The following TMEM179 variants were observed in gnomAD, a reference collection of about 807,000 sequenced individuals.
The protein encoded by TMEM179 is transmembrane protein 179.
In TMEM179, 17 loss-of-function variants were observed where a neutral mutation model predicts 22.2. That is an observed-to-expected ratio of 0.77 (90% confidence interval 0.52 to 1.15). The LOEUF is 1.15. Ranked by LOEUF, TMEM179 falls within the 50% of genes most tolerant of loss-of-function variation. The pLI is 0.00. For missense variants in TMEM179, 265 were observed against 313.6 expected, an observed-to-expected ratio of 0.84 and a Z score of 1.17; for synonymous variants, 127 against 140.5, an observed-to-expected ratio of 0.90 and a Z score of 0.68.
At chr14:104,600,195 G>A (rs1010751113) in intron 1 of TMEM179, among the ~76,000 whole-genome samples, 2 of 152,176 alleles carry the variant, frequency 1.3e-5, no homozygotes, top group African/African-American at 4.8e-5. Context: ...GAGCATCCCC[G>A]GATCCAGCTC....
intron 1 of TMEM179, among the ~76,000 whole-genome samples, chr14:104,603,219 C>T (rs1887296883): frequency 6.6e-6 from 1 of 152,218 alleles, no homozygotes; most frequent in East Asian, 1.9e-4. Flanking sequence ...AGCCCCTCTT[C>T]TTCCCCTCTC....
intron 1 of TMEM179, among the ~76,000 whole-genome samples, chr14:104,602,711 C>T (rs1887280842): frequency 6.6e-6 from 1 of 152,224 alleles, no homozygotes; most frequent in Non-Finnish European, 1.5e-5. Flanking sequence ...CCACCCTGCG[C>T]CCGGCCTGAC....
rs1237332376 is a variant in TMEM179 at position 104,597,641 on chromosome 14, A to C, written c.306-514T>G. ...CTCCTAGGAGAGACCCCACCAAGCG[A>C]GCTCCCAGCAGATAACGACACAGCA... On this transcript the variant is annotated intron_variant, in intron 1 of 3. Transcript: ENST00000556573. This position sits in a 1 kb window ranked among gnomAD's most constrained non-coding sequence, Gnocchi z 4.8. 1.3e-5 allele frequency among the ~76,000 whole-genome samples: 2 copies of C among 152,066 alleles called. No homozygotes were observed. Among genetic ancestry groups the C allele is most frequent in the African/African-American group, 4.8e-5 (2 of 41,400 alleles).
At position 104,593,278 on chromosome 14, in the gene TMEM179, G is replaced by A; in HGVS notation, c.*201C>T. 3.1e-6 allele frequency: 2 copies of A among 644,898 alleles called. No homozygotes were observed. The highest frequency in any genetic ancestry group is 3.9e-5 in the South Asian group (2 of 51,808). 39.9% of individuals were successfully genotyped at this position (644,898 alleles called of 1,614,324 possible). A position where few individuals can be genotyped will look rare whatever the true frequency, so the allele number is the denominator to read the frequency against. Reference sequence around the variant, plus strand: ...CTCTCTGCACCATCCTCATCAGGGAGCCGGCACCCACCCAGTCCACTGCCA... The same window carrying A: ...CTCTCTGCACCATCCTCATCAGGGAACCGGCACCCACCCAGTCCACTGCCA... On this transcript the variant is annotated 3_prime_UTR_variant, in exon 4 of 4. Coordinates refer to ENST00000556573, the MANE Select transcript of TMEM179 (RefSeq NM_001286389.2).
chr14:104,601,948 C>G (rs1477091309), intron 1 of TMEM179, among the ~76,000 whole-genome samples: 1 of 152,146 alleles, frequency 6.6e-6, no homozygotes, highest in Admixed American at 6.5e-5. Context: ...CCATATGGGC[C>G]GGTCAGCAGG....
intron 1 of TMEM179, among the ~76,000 whole-genome samples, chr14:104,603,653 AGGGTGGGTTCACAGAGGGAGT>A (rs1363435954): frequency 8.4e-6 from 1 of 118,796 alleles, no homozygotes; most frequent in Non-Finnish European, 1.7e-5. Flanking sequence ...ACAGAGGGAG[AGGGTGGGTTCACAGAGGGAGT>A]GGGTGGGCTC....
In TMEM179 at chr14:104,595,345, G is replaced by T; in HGVS notation, c.444-102C>A. 2 of 1,189,130 alleles carry T rather than the reference G, an allele frequency of 1.7e-6. No individual in the cohort carries two copies. The highest frequency in any genetic ancestry group is 2.4e-6 in the Non-Finnish European group (2 of 838,706). The allele number at this position is 1,189,130 out of a possible 1,614,324, so 73.7% of individuals were successfully genotyped here. A position where few individuals can be genotyped will look rare whatever the true frequency, so the allele number is the denominator to read the frequency against. ...GAGCCAGGAGCTTTGCCCTACAATTGTTGGGCGAGGGGGTGGGCAGCAGGG... is the reference window on the plus strand; with the variant it reads ...GAGCCAGGAGCTTTGCCCTACAATTTTTGGGCGAGGGGGTGGGCAGCAGGG... On this transcript the variant is annotated intron_variant, in intron 2 of 3. Transcript: ENST00000556573. The surrounding 1 kb of genome is among the most constrained non-coding windows in gnomAD (Gnocchi z 5.7).
chr14:104,604,640 G>C lies in TMEM179; in HGVS notation c.102C>G (p.Asp34Glu). Residue 34 changes from aspartate (D) to glutamate (E), a missense_variant, in exon 1 of 4, where the codon GAC becomes GAG. Transcript: ENST00000556573. The surrounding 1 kb of genome is among the most constrained non-coding windows in gnomAD (Gnocchi z 4.6). The stretch of plus-strand genomic sequence containing the variant: ...TGAAGAGCAGGCAGCGGCCGCGGAA[G>C]TCGTGGCCGTTCTCGGACAGCGGGA... ...VVVPLSENGH[D>E]FRGRCLLFTE... 6.3e-7 allele frequency: 1 copy of C among 1,586,992 alleles called. No homozygotes were observed.
At position 104,597,168 on chromosome 14, in the gene TMEM179, C is replaced by T. The variant is rs1207895140; in HGVS notation, c.306-41G>A. On this transcript the variant is annotated intron_variant, in intron 1 of 3. Coordinates refer to ENST00000556573, the MANE Select transcript of TMEM179 (RefSeq NM_001286389.2). This position sits in a 1 kb window ranked among gnomAD's most constrained non-coding sequence, Gnocchi z 4.8. ...GGAGGGGCAGGCTCACTGGACACCA[C>T]CTCCCAGGCGACCCCCGCCCCCAGG... 1 of 1,541,412 alleles carries T rather than the reference C, an allele frequency of 6.5e-7. No homozygotes were observed. The highest frequency in any genetic ancestry group is 8.7e-7 in the Non-Finnish European group (1 of 1,145,518).
rs752834666 is a variant in TMEM179 at position 104,595,064 on chromosome 14, C to T, written c.522+101G>A. 6.3e-7 allele frequency: 1 copy of T among 1,584,056 alleles called. No homozygotes were observed. On this transcript the variant is annotated intron_variant, in intron 3 of 3. Transcript: ENST00000556573. This position sits in a 1 kb window ranked among gnomAD's most constrained non-coding sequence, Gnocchi z 5.7. ...GCTAACTACCTTATCCACACAGGAG[C>T]CTGCCTCCTCCTCTGGATGGGGGAG... is the stretch of plus-strand genomic sequence containing the variant.
intron 1 of TMEM179, among the ~76,000 whole-genome samples, chr14:104,602,685 G>A (rs568478110): frequency 1.3e-5 from 2 of 152,320 alleles, no homozygotes; most frequent in East Asian, 1.9e-4. Context: ...GAGGACGGCT[G>A]CAAATGGGCA....
chr14:104,598,326 G>A (rs890359897), intron 1 of TMEM179, among the ~76,000 whole-genome samples: 6 of 152,296 alleles, frequency 3.9e-5, no homozygotes, highest in African/African-American at 9.6e-5. Context: ...GGCTGCTCCC[G>A]CCTCTCACCT....
chr14:104,599,081 A>C (rs937844524), intron 1 of TMEM179, among the ~76,000 whole-genome samples: 1 of 152,228 alleles, frequency 6.6e-6, no homozygotes. Flanking sequence ...AAAGTTCGCC[A>C]GGATGGGTGT....
rs775397914 is a variant in TMEM179 at position 104,604,621 on chromosome 14, G to A, written c.121C>T (p.Leu41Phe). The change falls in exon 1 of 4, where the codon CTC becomes TTC. Residue 41 changes from leucine (L) to phenylalanine (F), a missense_variant. Transcript: ENST00000556573. The surrounding 1 kb of genome is among the most constrained non-coding windows in gnomAD (Gnocchi z 4.6). ...CTCAGCCACATGCCCTCGGTGAAGA[G>A]CAGGCAGCGGCCGCGGAAGTCGTGG... ...NGHDFRGRCL[L>F]FTEGMWLSAN... The A allele has an allele frequency of 6.4e-7, 1 of 1,573,388 alleles. No individual in the cohort carries two copies. Among genetic ancestry groups the A allele is most frequent in the Admixed American group, 1.8e-5 (1 of 55,330 alleles).
chr14:104,601,153 G>A (rs1161692397), intron 1 of TMEM179, among the ~76,000 whole-genome samples: 1 of 152,196 alleles, frequency 6.6e-6, no homozygotes, highest in Non-Finnish European at 1.5e-5. Flanking sequence ...ACCAACAATT[G>A]AGTTGGAATT....
Position 104,593,467 on chromosome 14 carries a change from C to T in TMEM179, c.*12G>A. Reference sequence around the variant, plus strand: ...GGGAGGTCGGGGCCAGCTCCCCCTGCCTGCACTGTGCCTAAATGACAGCGC... The same window carrying T: ...GGGAGGTCGGGGCCAGCTCCCCCTGTCTGCACTGTGCCTAAATGACAGCGC... On this transcript the variant is annotated 3_prime_UTR_variant, in exon 4 of 4. Transcript: ENST00000556573. 2 of 1,536,032 alleles carry T rather than the reference C, an allele frequency of 1.3e-6. No individual in the cohort carries two copies. The highest frequency in any genetic ancestry group is 1.7e-6 in the Non-Finnish European group (2 of 1,146,828).
rs1366658023 is a variant in TMEM179, at chr14:104,593,343, G to A, written c.*136C>T. 6 of 1,090,474 alleles carry A rather than the reference G, an allele frequency of 5.5e-6. No individual in the cohort carries two copies. Among genetic ancestry groups the A allele is most frequent in the Non-Finnish European group, 7.9e-6 (6 of 762,060 alleles). 67.5% of individuals were successfully genotyped at this position (1,090,474 alleles called of 1,614,324 possible). ...CACTGGGGCGCTCACCTCACTACAC[G>A]TGGCGTCGAGGGGACACACGCAGGG... On this transcript the variant is annotated 3_prime_UTR_variant, in exon 4 of 4. Coordinates refer to ENST00000556573, the MANE Select transcript of TMEM179 (RefSeq NM_001286389.2).
chr14:104,600,398 G>C (rs1055774158), intron 1 of TMEM179, among the ~76,000 whole-genome samples: 1 of 152,186 alleles, frequency 6.6e-6, no homozygotes, highest in South Asian at 2.1e-4. Context: ...GCTCAGCGCC[G>C]GCACGGGCAG....
intron 3 of TMEM179, 34 bp from the exon 4 acceptor site, chr14:104,593,692 T>C (rs12880651): frequency 0.6 from 863,033 of 1,438,092 alleles, 268,206 homozygotes; most frequent in Non-Finnish European, 0.64. Flanking sequence ...TCAGAAGCCG[T>C]TGGGGGTCCG....
Sources: gnomAD v4.1 joint callset for allele counts (sites outside exome capture counted in the v4.1 genomes callset) on GRCh38, gnomAD v4.1.1 for gene constraint, Gnocchi (gnomAD v3.1) non-coding constraint, MANE v1.5 for transcripts, NCBI Gene and HGNC (gene_info 2026-07-23, HGNC 2026-07-21) for gene names.